Variants in MARK1 observed in about 807,000 individuals in gnomAD.
The protein encoded by MARK1 is serine/threonine-protein kinase MARK1.
MARK1 carries 40 observed loss-of-function variants against 96.3 expected under a neutral mutation model. That is an observed-to-expected ratio of 0.42 (90% CI 0.32 to 0.54). The LOEUF (loss-of-function observed/expected upper bound fraction) is 0.54. Ranked by LOEUF, MARK1 falls within the 20% of genes least tolerant of loss-of-function variation. The pLI, the probability that MARK1 is intolerant of heterozygous loss-of-function variation, is 0.16. For missense variants in MARK1, 719 were observed against 984.6 expected, an observed-to-expected ratio of 0.73 and a Z score of 3.61; for synonymous variants, 317 against 341.2, an observed-to-expected ratio of 0.93 and a Z score of 0.78.
At chr1:220,621,123 C>CT (rs887626012) in intron 9 of MARK1, among the ~76,000 whole-genome samples, 55 of 151,672 alleles carry the variant, frequency 3.6e-4, no homozygotes, top group Non-Finnish European at 3.8e-4. Flanking sequence ...ATGTTCCATT[C>CT]TTTTTTTTAA....
Position 220,618,293 on chromosome 1 carries a change from T to C in MARK1, c.553-17T>C. ...TGTAGGCTTTTTACATTGTTCTTTC[T>C]ATTATTTTCCTCTTAGGCTGAAAAC... On this transcript the variant is annotated splice_polypyrimidine_tract_variant and intron_variant, in intron 7 of 17. Transcript: ENST00000366917. The surrounding 1 kb of genome is among the most constrained non-coding windows in gnomAD (Gnocchi z 4.6). The C allele has an allele frequency of 6.9e-7, 1 of 1,459,598 alleles. No individual in the cohort carries two copies. Among genetic ancestry groups the C allele is most frequent in the Non-Finnish European group, 9.6e-7 (1 of 1,041,032 alleles). 90.4% of individuals were successfully genotyped at this position (1,459,598 alleles called of 1,614,324 possible).
chr1:220,606,044 T>A (rs1286678508), intron 6 of MARK1, among the ~76,000 whole-genome samples: 2 of 152,230 alleles, frequency 1.3e-5, no homozygotes, highest in African/African-American at 2.4e-5. Context: ...ATGGGATTGC[T>A]GGGTCAAATG....
At chr1:220,656,656 G>A (rs1669194138) in intron 16 of MARK1, among the ~76,000 whole-genome samples, 1 of 152,142 alleles carries the variant, frequency 6.6e-6, no homozygotes, top group Non-Finnish European at 1.5e-5. Flanking sequence ...AATAAAAATG[G>A]ATTTGTATAG....
At chr1:220,610,574 C>T (rs1042202610) in intron 6 of MARK1, among the ~76,000 whole-genome samples, 5 of 152,184 alleles carry the variant, frequency 3.3e-5, no homozygotes, top group Admixed American at 6.5e-5. Flanking sequence ...AGTCGTTCTC[C>T]GTCCAGCTTT....
chr1:220,653,613 A>C (rs1669012109), intron 16 of MARK1, among the ~76,000 whole-genome samples: 1 of 152,186 alleles, frequency 6.6e-6, no homozygotes, highest in Non-Finnish European at 1.5e-5. Flanking sequence ...AACTTCAAAA[A>C]TGTGTGTTTT....
At chr1:220,552,088 C>T (rs1661901859) in intron 1 of MARK1, among the ~76,000 whole-genome samples, 2 of 152,198 alleles carry the variant, frequency 1.3e-5, no homozygotes, top group Non-Finnish European at 2.9e-5. Flanking sequence ...ACCTAATTTT[C>T]CCTTGATAGT....
chr1:220,653,376 T>C, intron 16 of MARK1, 24 bp downstream of exon 16: 1 of 1,604,486 alleles, frequency 6.2e-7, no homozygotes, highest in Non-Finnish European at 8.5e-7. Context: ...TACTGTCGTG[T>C]TTTGATTCCT....
At chr1:220,639,080 C>T (rs1476935425) in intron 13 of MARK1, among the ~76,000 whole-genome samples, 4 of 151,986 alleles carry the variant, frequency 2.6e-5, no homozygotes, top group African/African-American at 7.3e-5. Flanking sequence ...TTGATTTCTA[C>T]AAAATATTTT....
chr1:220,654,671 T>C lies in MARK1; in HGVS notation c.1988+1319T>C, dbSNP rs1024857424. On this transcript the variant is annotated intron_variant, in intron 16 of 17. Coordinates refer to ENST00000366917, the MANE Select transcript of MARK1 (RefSeq NM_018650.5). The surrounding 1 kb of genome is among the most constrained non-coding windows in gnomAD (Gnocchi z 4.0). ...TACTAGTCAGATTATCAGTAGTTTC[T>C]GCTTTTGGAATTTGTCTATTTAAGG... Among the ~76,000 whole-genome samples, 6 of 152,386 alleles carry C rather than the reference T, an allele frequency of 3.9e-5. No individual in the cohort carries two copies. In the South Asian group the frequency reaches 1.2e-3, roughly 32 times the overall value.
chr1:220,658,471 C>T (rs1669295613), intron 17 of MARK1, among the ~76,000 whole-genome samples: 1 of 152,152 alleles, frequency 6.6e-6, no homozygotes, highest in South Asian at 2.1e-4. Flanking sequence ...ATCAAGTCCC[C>T]AGGAGATGCT....
chr1:220,617,815 G>A (rs1452841905), intron 7 of MARK1, among the ~76,000 whole-genome samples: 1 of 152,144 alleles, frequency 6.6e-6, no homozygotes, highest in Admixed American at 6.5e-5. Flanking sequence ...GAGAACAAAG[G>A]AATGAATTAG....
rs1050255419 is a variant in MARK1, at chr1:220,654,879, G to A, written c.1988+1527G>A. ...AACAGAGTACTTTGGAAAGGAAGTCGTGAGATAGAATGCCAAAGCAAGAAA... is the reference window on the plus strand; with the variant it reads ...AACAGAGTACTTTGGAAAGGAAGTCATGAGATAGAATGCCAAAGCAAGAAA... On this transcript the variant is annotated intron_variant, in intron 16 of 17. Transcript: ENST00000366917. This position sits in a 1 kb window ranked among gnomAD's most constrained non-coding sequence, Gnocchi z 4.0. Among the ~76,000 whole-genome samples, 3 of 152,228 alleles carry A rather than the reference G, an allele frequency of 2.0e-5. No individual in the cohort carries two copies. The highest frequency in any genetic ancestry group is 2.1e-4 in the South Asian group (1 of 4,828).
chr1:220,586,533 G>A lies in MARK1; in HGVS notation c.309+5415G>A, dbSNP rs116684263. Among the ~76,000 whole-genome samples the A allele has an allele frequency of 4.7e-3, 719 of 152,224 alleles. 4 individuals are homozygous for A. The highest frequency in any genetic ancestry group is 5.6e-3 in the Non-Finnish European group (383 of 68,010). On this transcript the variant is annotated intron_variant, in intron 3 of 17. Transcript: ENST00000366917. ...TTTATTTGTTTTGGTTTTGGTAGTC[G>A]TTTGTTGATTTGTTTGTTGACACTT...
rs751855270 is a variant in MARK1, at chr1:220,632,329, T to C, written c.1122+16T>C. 2 of 1,161,350 alleles carry C rather than the reference T, an allele frequency of 1.7e-6. No homozygotes were observed. Among genetic ancestry groups the C allele is most frequent in the Non-Finnish European group, 2.5e-6 (2 of 809,608 alleles). The allele number at this position is 1,161,350 out of a possible 1,614,324, so 71.9% of individuals were successfully genotyped here. On this transcript the variant is annotated intron_variant, in intron 11 of 17. Transcript: ENST00000366917. Reference sequence around the variant, plus strand: ...ACCACCTGAAGTAAGTTTTTCACCTTTTCAGATTACTGTGAATTATTTCTT... The same window carrying C: ...ACCACCTGAAGTAAGTTTTTCACCTCTTCAGATTACTGTGAATTATTTCTT...
chr1:220,584,329 T>G (rs1464621913), intron 3 of MARK1, among the ~76,000 whole-genome samples: 1 of 152,218 alleles, frequency 6.6e-6, no homozygotes, highest in Admixed American at 6.5e-5. Flanking sequence ...AAAACAAGAC[T>G]TAGTACAACT....
At chr1:220,640,831 C>T (rs1014260973) in intron 13 of MARK1, among the ~76,000 whole-genome samples, 1 of 152,122 alleles carries the variant, frequency 6.6e-6, no homozygotes, top group Non-Finnish European at 1.5e-5. Flanking sequence ...CACAAGAATT[C>T]CTTTGTGAGA....
chr1:220,645,367 T>C (rs529944292), intron 13 of MARK1, among the ~76,000 whole-genome samples: 16 of 152,112 alleles, frequency 1.1e-4, no homozygotes, highest in Non-Finnish European at 1.9e-4. Flanking sequence ...CTGAAAGGAA[T>C]AGCTTGAATC....
chr1:220,633,721 G>A (rs1390273788), intron 11 of MARK1, among the ~76,000 whole-genome samples: 1 of 152,196 alleles, frequency 6.6e-6, no homozygotes, highest in Non-Finnish European at 1.5e-5. Context: ...AGCACTTGGC[G>A]ACCAGTTGGA....
intron 9 of MARK1, among the ~76,000 whole-genome samples, chr1:220,620,971 T>C (rs1224647814): frequency 6.6e-6 from 1 of 152,126 alleles, no homozygotes; most frequent in African/African-American, 2.4e-5. Context: ...ACTTCAAAAA[T>C]TGTTAGTCTT....
Sources: gnomAD v4.1 joint callset for allele counts (sites outside exome capture counted in the v4.1 genomes callset) on GRCh38, gnomAD v4.1.1 for gene constraint, Gnocchi (gnomAD v3.1) non-coding constraint, MANE v1.5 for transcripts, NCBI Gene and HGNC (gene_info 2026-07-23, HGNC 2026-07-21) for gene names.